Variants in EXPH5 observed in about 807,000 individuals in gnomAD.
EXPH5 encodes exophilin-5.
In EXPH5, 42 loss-of-function variants were observed where a neutral mutation model predicts 41.1. That is an observed-to-expected ratio of 1.02 (90% CI 0.80 to 1.32). EXPH5 has a LOEUF of 1.32. EXPH5 is among the 40% of genes most tolerant of loss of function. EXPH5 has a pLI of 0.00. For synonymous variants in EXPH5, 798 were observed against 833.5 expected, an observed-to-expected ratio of 0.96 and a Z score of 0.73; for missense variants, 2,298 against 2,314.5, an observed-to-expected ratio of 0.99 and a Z score of 0.15.
chr11:108,593,878 G>T, upstream of EXPH5: 1 of 700,140 alleles, frequency 1.4e-6, no homozygotes, highest in Non-Finnish European at 2.2e-6. Flanking sequence ...CCCCTCCCTC[G>T]TCCCCTCCGG....
At chr11:108,571,221 G>A (rs1417552495) in intron 1 of EXPH5, among the ~76,000 whole-genome samples, 2 of 152,216 alleles carry the variant, frequency 1.3e-5, no homozygotes, top group African/African-American at 4.8e-5. Flanking sequence ...CTGGATGGTA[G>A]AGGCAAAGCA....
In EXPH5 at chr11:108,582,167, C is replaced by T. The variant is rs137923266; in HGVS notation, c.119+11251G>A. 2.5e-3 allele frequency among the ~76,000 whole-genome samples: 374 copies of T among 152,232 alleles called. 1 individual carries two copies. Among genetic ancestry groups the T allele is most frequent in the African/African-American group, 6.0e-3 (249 of 41,540 alleles). On this transcript the variant is annotated intron_variant, in intron 1 of 5. Transcript: ENST00000265843. The stretch of plus-strand genomic sequence containing the variant: ...TAGAATTACTGACACCAAAACCACA[C>T]AAAAATAGTATACAGGCTGGGCGTG...
Position 108,510,571 on chromosome 11 carries a change from G to C in EXPH5, c.4936C>G (p.Pro1646Ala), listed in dbSNP as rs1357529977. ...TVECNPLFPE[P>A]TPKSAESIGE... The stretch of plus-strand genomic sequence containing the variant: ...ATGGACTCTGCAGATTTTGGAGTAG[G>C]CTCAGGGAACAGTGGGTTGCACTCC... The change falls in exon 6 of 6, where the codon CCT becomes GCT. Residue 1646 changes from proline (P) to alanine (A), a missense_variant. Physicochemically the swap from Pro to Ala is conservative, Grantham distance 27. Transcript: ENST00000265843. 7.4e-6 allele frequency: 12 copies of C among 1,614,106 alleles called. No homozygotes were observed. The highest frequency in any genetic ancestry group is 1.0e-5 in the Non-Finnish European group (12 of 1,180,002).
rs1362076260 is a variant in EXPH5 at position 108,513,728 on chromosome 11, T to A, written c.1779A>T (p.Lys593Asn). The change falls in exon 6 of 6, where the codon AAA (lysine) becomes AAT (asparagine). Residue 593 changes from lysine (K) to asparagine (N), a missense_variant. By Grantham distance (94) the Lys-to-Asn change is moderately conservative. Coordinates refer to ENST00000265843, the MANE Select transcript of EXPH5 (RefSeq NM_015065.3). ...CSMTGSSYHV[K>N]SSELVSQQDS... ...CCTGTTGACTTACCAACTCACTAGA[T>A]TTGACGTGATAGCTTGAACCAGTCA... The A allele has an allele frequency of 6.2e-7, 1 of 1,612,184 alleles. No individual in the cohort carries two copies. Among genetic ancestry groups the A allele is most frequent in the African/African-American group, 1.3e-5 (1 of 74,842 alleles).
At chr11:108,589,135 G>A (rs1035059763) in intron 1 of EXPH5, among the ~76,000 whole-genome samples, 11 of 152,132 alleles carry the variant, frequency 7.2e-5, no homozygotes, top group African/African-American at 2.7e-4. Context: ...ACATTCTATC[G>A]CCAATGAAAA....
upstream of EXPH5, among the ~76,000 whole-genome samples, chr11:108,597,625 A>T (rs1266118296): frequency 3.3e-5 from 5 of 152,234 alleles, no homozygotes; most frequent in African/African-American, 1.2e-4. Flanking sequence ...TGTCCCAGAC[A>T]ACACCAGTAT....
Position 108,573,198 on chromosome 11 carries a change from A to AAGAAAAAG in EXPH5, c.119+20219_119+20220insCTTTTTCT, listed in dbSNP as rs1456627760. Among the ~76,000 whole-genome samples, 43 of 108,248 alleles carry AAGAAAAAG rather than the reference A, an allele frequency of 4.0e-4. 1 individual carries two copies. The highest frequency in any genetic ancestry group is 1.8e-3 in the South Asian group (6 of 3,364). 71.0% of individuals were successfully genotyped at this position (108,248 alleles called of 152,430 possible). A position where few individuals can be genotyped will look rare whatever the true frequency, so the allele number is the denominator to read the frequency against. ...AAAGAAAGAAAGAAAGAAAGAAAGA[A>AAGAAAAAG]AAAGAAAGAAAGAAAGAAAGAAAGG... On this transcript the variant is annotated intron_variant, in intron 1 of 5. Transcript: ENST00000265843.
At chr11:108,530,260 C>T (rs771933138) in intron 3 of EXPH5, among the ~76,000 whole-genome samples, 1 of 152,122 alleles carries the variant, frequency 6.6e-6, no homozygotes, top group Non-Finnish European at 1.5e-5. Flanking sequence ...TCCTCCTACA[C>T]TCTACATACT....
chr11:108,590,762 T>C (rs979273709), intron 1 of EXPH5, among the ~76,000 whole-genome samples: 4 of 152,240 alleles, frequency 2.6e-5, no homozygotes, highest in African/African-American at 9.6e-5. Flanking sequence ...TCCTCCCACC[T>C]GAGCCTCCTG....
chr11:108,509,705 C>T lies in EXPH5; in HGVS notation c.5802G>A (p.Glu1934=), dbSNP rs374304109. ...TACTGGGAGAATTTGAGCTTAATGA[C>T]TCTGAGGGGTTGGGAGGGTTCCTCA... The part of the protein sequence containing the change: ...DDLRNPPNPS[E]SLSSNSPSSQ... The change falls in exon 6 of 6, where the codon GAG becomes GAA. Residue 1934 remains glutamate, a synonymous_variant. Transcript: ENST00000265843. The T allele has an allele frequency of 6.2e-7, 1 of 1,612,372 alleles. No individual in the cohort carries two copies. The highest frequency in any genetic ancestry group is 8.5e-7 in the Non-Finnish European group (1 of 1,179,478).
chr11:108,580,433 A>G (rs766934867), intron 1 of EXPH5, among the ~76,000 whole-genome samples: 1 of 152,178 alleles, frequency 6.6e-6, no homozygotes, highest in African/African-American at 2.4e-5. Context: ...TGTGGAGAAA[A>G]GGGAACTCTT....
At chr11:108,560,312 AT>A (rs1197787395) in intron 1 of EXPH5, among the ~76,000 whole-genome samples, 5 of 152,192 alleles carry the variant, frequency 3.3e-5, no homozygotes, top group Non-Finnish European at 5.9e-5. Flanking sequence ...CAGTTTACTT[AT>A]TTTCAAAGAG....
chr11:108,593,911 G>A (rs1165580625), upstream of EXPH5, among the ~76,000 whole-genome samples: 1 of 140,408 alleles, frequency 7.1e-6, no homozygotes, highest in African/African-American at 2.7e-5. Flanking sequence ...CCCCCTATCT[G>A]AGTTGTTAAG....
rs35527615 is a variant in EXPH5 at position 108,562,265 on chromosome 11, G to GTTTTT, written c.120-20458_120-20454dup. Among the ~76,000 whole-genome samples the GTTTTT allele has an allele frequency of 6.2e-3, 651 of 104,572 alleles. 10 individuals carry two copies. The highest frequency in any genetic ancestry group is 0.019 in the African/African-American group (611 of 32,288). The allele number at this position is 104,572 out of a possible 152,430, so 68.6% of individuals were successfully genotyped here. ...TTTGCCATTATACAATTTTTTCTGT[G>GTTTTT]TTTTTTTTTTTTTTTTTTTGTAATT... On this transcript the variant is annotated intron_variant, in intron 1 of 5. Transcript: ENST00000265843.
In EXPH5 at chr11:108,531,330, G is replaced by A. The variant is rs149384023; in HGVS notation, c.444-3146C>T. On this transcript the variant is annotated intron_variant, in intron 3 of 5. Coordinates refer to ENST00000265843, the MANE Select transcript of EXPH5 (RefSeq NM_015065.3). ...CATGAGGCCCGGCGCAGTGGCTCAC[G>A]CCTGTAATCCCAGCTGAGGTGGGCA... 5.3e-3 allele frequency among the ~76,000 whole-genome samples: 801 copies of A among 152,290 alleles called. 2 individuals are homozygous for A. The highest frequency in any genetic ancestry group is 0.018 in the African/African-American group (758 of 41,558).
Position 108,511,280 on chromosome 11 carries a change from T to A in EXPH5, c.4227A>T (p.Lys1409Asn), listed in dbSNP as rs1406215454. The A allele has an allele frequency of 6.2e-7, 1 of 1,605,176 alleles. No homozygotes were observed. ...MLQRKNVSEE[K>N]SENCQQSINS... is the part of the protein sequence containing the mutation. Reference sequence around the variant, plus strand: ...TAATGGATTGTTGACAATTTTCAGATTTTTCTTCGGATACATTTTTTCTCT... The same window carrying A: ...TAATGGATTGTTGACAATTTTCAGAATTTTCTTCGGATACATTTTTTCTCT... The change falls in exon 6 of 6, where the codon AAA (lysine) becomes AAT (asparagine). Residue 1409 changes from lysine to asparagine, a missense_variant. Lys to Asn is a moderately conservative substitution (Grantham distance 94). Coordinates refer to ENST00000265843, the MANE Select transcript of EXPH5 (RefSeq NM_015065.3).
At chr11:108,582,351 G>T (rs1219535510) in intron 1 of EXPH5, among the ~76,000 whole-genome samples, 2 of 152,062 alleles carry the variant, frequency 1.3e-5, no homozygotes, top group East Asian at 1.9e-4. Flanking sequence ...TGTAGTCCCA[G>T]CTACTTAGGG....
At chr11:108,595,795 G>T (rs2094138101), upstream of EXPH5, among the ~76,000 whole-genome samples, 1 of 152,206 alleles carries the variant, frequency 6.6e-6, no homozygotes, top group Non-Finnish European at 1.5e-5. Context: ...AGCACAGTGA[G>T]CTGAAAGGTA....
chr11:108,585,345 T>C (rs2094110064), intron 1 of EXPH5, among the ~76,000 whole-genome samples: 1 of 152,206 alleles, frequency 6.6e-6, no homozygotes, highest in South Asian at 2.1e-4. Context: ...CTCAAGGTGA[T>C]GGTAGTAAGG....
Sources: gnomAD v4.1 joint callset for allele counts (sites outside exome capture counted in the v4.1 genomes callset) on GRCh38, gnomAD v4.1.1 for gene constraint, MANE v1.5 for transcripts, NCBI Gene and HGNC (gene_info 2026-07-23, HGNC 2026-07-21) for gene names.